The following DHX35 variants were observed in gnomAD, a reference collection of about 807,000 sequenced individuals.
DHX35 encodes probable ATP-dependent RNA helicase DHX35.
A neutral mutation model predicts 99.6 loss-of-function variants in DHX35; 84 were observed. The ratio of observed to expected loss-of-function variants is 0.84; its 90% CI spans 0.71 to 1.01. DHX35 has a LOEUF of 1.01. Ranked by LOEUF, DHX35 falls within the 50% of genes least tolerant of loss-of-function variation. The probability of loss-of-function intolerance (pLI) is 0.00; values close to 1 mark genes in which losing one functional copy is unlikely to be tolerated. For synonymous variants in DHX35, 331 were observed against 316.2 expected (o/e 1.05, Z -0.50); for missense variants, 852 against 888.5 (o/e 0.96, Z 0.52).
intron 12 of DHX35, among the ~76,000 whole-genome samples, chr20:39,007,940 G>A (rs2086644468): frequency 6.6e-6 from 1 of 152,172 alleles, no homozygotes; most frequent in African/African-American, 2.4e-5. Context: ...ACATTAAAGT[G>A]AACAATTTAT....
intron 16 of DHX35, 118 bp from the exon 17 acceptor site, chr20:39,023,572 C>G (rs1435005893): frequency 2.3e-6 from 2 of 888,262 alleles, no homozygotes; most frequent in African/African-American, 3.3e-5. Flanking sequence ...AGGCTGGTCT[C>G]GAACTTCTGG....
At chr20:39,014,002 A>G (rs143932713) in intron 13 of DHX35, among the ~76,000 whole-genome samples, 1 of 152,326 alleles carries the variant, frequency 6.6e-6, no homozygotes, top group Non-Finnish European at 1.5e-5. Context: ...AACTGCCTAT[A>G]TGACCTTGTT....
intron 19 of DHX35, among the ~76,000 whole-genome samples, chr20:39,028,776 C>G (rs1011020): frequency 6.6e-6 from 1 of 151,968 alleles, no homozygotes; most frequent in African/African-American, 2.4e-5. Context: ...ATTCTAATGA[C>G]AGAATAATAT....
Position 39,038,637 on chromosome 20 carries a change from C to T in DHX35, c.*94C>T. 1.5e-6 allele frequency: 2 copies of T among 1,320,416 alleles called. No individual in the cohort carries two copies. The highest frequency in any genetic ancestry group is 2.1e-6 in the Non-Finnish European group (2 of 947,788). 81.8% of individuals were successfully genotyped at this position (1,320,416 alleles called of 1,614,324 possible). On this transcript the variant is annotated 3_prime_UTR_variant, in exon 22 of 22. Coordinates refer to ENST00000252011, the MANE Select transcript of DHX35 (RefSeq NM_021931.4). ...AGGTGGGGTGAGCTGGCACCAGCTC[C>T]TGTGGAATGTTTGGTTGCTCTGAAG...
chr20:38,977,157 G>A (rs2086092552), intron 3 of DHX35, among the ~76,000 whole-genome samples: 6 of 151,976 alleles, frequency 3.9e-5, no homozygotes, highest in Admixed American at 3.3e-4. Flanking sequence ...TTAATTTTTC[G>A]AGAAACCTCC....
chr20:38,979,068 A>G (rs1461510033), intron 3 of DHX35, among the ~76,000 whole-genome samples: 1 of 152,026 alleles, frequency 6.6e-6, no homozygotes, highest in Admixed American at 6.6e-5. Flanking sequence ...TTTTTATGTG[A>G]GGACCATGCT....
intron 3 of DHX35, 79 bp downstream of exon 3, chr20:38,972,730 T>G: frequency 2.2e-6 from 2 of 899,266 alleles, no homozygotes; most frequent in Non-Finnish European, 3.5e-6. Context: ...CTCTTTACTA[T>G]CATTTACATT....
intron 8 of DHX35, among the ~76,000 whole-genome samples, chr20:38,995,737 C>T (rs1041632786): frequency 1.2e-4 from 19 of 152,134 alleles, no homozygotes; most frequent in Non-Finnish European, 1.8e-4. Flanking sequence ...AGGAGGGAGC[C>T]CTTAACTCCA....
chr20:38,967,937 C>G (rs975465425), intron 1 of DHX35, among the ~76,000 whole-genome samples: 1 of 152,058 alleles, frequency 6.6e-6, no homozygotes, highest in Non-Finnish European at 1.5e-5. Flanking sequence ...GCCTCCCCCA[C>G]CCCCCATTAC....
intron 5 of DHX35, among the ~76,000 whole-genome samples, chr20:38,989,485 A>T (rs1002112530): frequency 6.6e-6 from 1 of 151,966 alleles, no homozygotes; most frequent in Admixed American, 6.6e-5. Context: ...TTAGTCCTTG[A>T]TTCCAAAGAT....
intron 1 of DHX35, among the ~76,000 whole-genome samples, chr20:38,968,349 G>C (rs2085940491): frequency 6.6e-6 from 1 of 152,200 alleles, no homozygotes; most frequent in African/African-American, 2.4e-5. Context: ...CCCAGTTTCT[G>C]TCATCTCTGA....
At chr20:39,008,639 A>T (rs894025850) in intron 12 of DHX35, among the ~76,000 whole-genome samples, 25 of 152,310 alleles carry the variant, frequency 1.6e-4, no homozygotes, top group African/African-American at 6.0e-4. Context: ...ATTGCTTTGA[A>T]CAGGGTACCA....
intron 5 of DHX35, among the ~76,000 whole-genome samples, 158 bp downstream of exon 5, chr20:38,989,075 G>T (rs1167020160): frequency 6.6e-6 from 1 of 151,258 alleles, no homozygotes; most frequent in African/African-American, 2.4e-5. Context: ...TCAGCTAGGA[G>T]ACAGAGAGCT....
Position 38,988,916 on chromosome 20 carries a change from A to G in DHX35, c.449A>G (p.Lys150Arg). ...ACCGACCAGCTGGCCACGAGAATTA[A>G]GGTAAAGTGCTCAAGCTGCTTTTCC... ...DCTDQLATRI[K>R]FLTDGMLVRE... Residue 150 changes from lysine (K) to arginine (R), a missense_variant and splice_region_variant, in exon 5 of 22, where the codon AAG becomes AGG. Coordinates refer to ENST00000252011, the MANE Select transcript of DHX35 (RefSeq NM_021931.4). The G allele has an allele frequency of 6.2e-7, 1 of 1,612,200 alleles. No individual in the cohort carries two copies. Among genetic ancestry groups the G allele is most frequent in the Non-Finnish European group, 8.5e-7 (1 of 1,178,622 alleles).
chr20:38,998,953 C>G (rs939746913), intron 8 of DHX35, among the ~76,000 whole-genome samples: 1 of 152,028 alleles, frequency 6.6e-6, no homozygotes, highest in African/African-American at 2.4e-5. Flanking sequence ...CCTGCCACCA[C>G]GCTCAGCCAA....
At chr20:38,966,292 A>G (rs2085909393) in intron 1 of DHX35, among the ~76,000 whole-genome samples, 1 of 152,270 alleles carries the variant, frequency 6.6e-6, no homozygotes, top group African/African-American at 2.4e-5. Flanking sequence ...ATAGAGGGAA[A>G]GCAGCCCTGA....
intron 6 of DHX35, 46 bp downstream of exon 6, chr20:38,991,561 C>G (rs780012025): frequency 6.4e-7 from 1 of 1,561,276 alleles, no homozygotes; most frequent in Non-Finnish European, 8.8e-7. Flanking sequence ...TCCAAAGTCC[C>G]CAGGTAGACG....
rs752955937 is a variant in DHX35, at chr20:39,006,276, C to T, written c.1142C>T (p.Pro381Leu). ...GCTATTGAATGCTTGGTGGTGGTGC[C>T]AGTCTCCCAGGCATCAGCTAATCAG... ...RTAIECLVVV[P>L]VSQASANQRA... is the part of the protein sequence containing the mutation. Residue 381 changes from proline (P) to leucine (L), a missense_variant, in exon 12 of 22, where the codon CCA becomes CTA. Pro to Leu is a moderately conservative substitution (Grantham distance 98). Transcript: ENST00000252011. The T allele has an allele frequency of 6.2e-6, 10 of 1,614,006 alleles. No individual in the cohort carries two copies. The highest frequency in any genetic ancestry group is 1.7e-6 in the Non-Finnish European group (2 of 1,180,030).
chr20:39,006,032 G>A, intron 11 of DHX35, 114 bp from the exon 12 acceptor site: 2 of 1,217,328 alleles, frequency 1.6e-6, no homozygotes, highest in South Asian at 1.4e-5. Context: ...ATATTAAACT[G>A]CCTCTCACAG....
Sources: allele counts gnomAD v4.1 joint callset (sites outside exome capture counted in the v4.1 genomes callset), GRCh38; gene constraint gnomAD v4.1.1; transcripts MANE v1.5; gene names NCBI Gene and HGNC (gene_info 2026-07-23, HGNC 2026-07-21).